ASAH1: variants seen among roughly 807,000 people sequenced by gnomAD.
ASAH1 encodes the protein acid ceramidase.
ASAH1 carries 70 observed loss-of-function variants against 59.5 expected under a neutral mutation model. The ratio of observed to expected loss-of-function variants is 1.18; its 90% CI spans 0.97 to 1.43. The LOEUF is 1.43. ASAH1 is among the 40% of genes most tolerant of loss of function. ASAH1 has a pLI of 0.00. For synonymous variants in ASAH1, 213 were observed against 166.5 expected, an observed-to-expected ratio of 1.28 and a Z score of -2.15; for missense variants, 660 against 482.5, an observed-to-expected ratio of 1.37 and a Z score of -3.45.
Position 18,059,460 on chromosome 8 carries a change from C to A in ASAH1, c.922G>T (p.Asp308Tyr), listed in dbSNP as rs758747892. Reference protein sequence around the residue: ...RKESLDVYELDAKQGRWYVVQ... With the variant: ...RKESLDVYELYAKQGRWYVVQ... ...ACATACCATCTACCCTGCTTAGCATCGAGTCTAGATACAAAAGGAGAGATT... is the reference window on the plus strand; with the variant it reads ...ACATACCATCTACCCTGCTTAGCATAGAGTCTAGATACAAAAGGAGAGATT... The change falls in exon 12 of 14, where the codon GAT (aspartate) becomes TAT (tyrosine). Residue 308 changes from aspartate to tyrosine, a missense_variant. Transcript: ENST00000637790. 6.2e-7 allele frequency: 1 copy of A among 1,614,140 alleles called. No individual in the cohort carries two copies. Among genetic ancestry groups the A allele is most frequent in the Admixed American group, 1.7e-5 (1 of 60,018 alleles).
intron 4 of ASAH1, among the ~76,000 whole-genome samples, chr8:18,069,260 TG>T (rs1800059810): frequency 6.6e-6 from 1 of 151,930 alleles, no homozygotes. Flanking sequence ...GGTGTTTCAT[TG>T]GTTCTGCGTC....
Position 18,061,722 on chromosome 8 carries a change from G to C in ASAH1, c.667C>G (p.Leu223Val), listed in dbSNP as rs371332103. Residue 223 changes from leucine (L) to valine (V), a missense_variant, in exon 9 of 14, where the codon CTG becomes GTG. Coordinates refer to ENST00000637790, the MANE Select transcript of ASAH1 (RefSeq NM_177924.5). ...GFKPGLFSLT[L>V]NERFSINGGY... ...CCATTTATACTGAAACGTTCATTCA[G>C]TGTAAGACTGAACAGTCCCTGAGAA... is the stretch of plus-strand genomic sequence containing the variant. The C allele has an allele frequency of 7.0e-6, 11 of 1,579,834 alleles. No individual in the cohort carries two copies. Among genetic ancestry groups the C allele is most frequent in the Non-Finnish European group, 8.6e-6 (10 of 1,161,030 alleles).
intron 2 of ASAH1, among the ~76,000 whole-genome samples, chr8:18,072,644 T>C (rs1361324585): frequency 6.6e-6 from 1 of 152,220 alleles, no homozygotes; most frequent in Admixed American, 6.5e-5. Context: ...ACTTATATTC[T>C]AGAAAAAAAC....
intron 1 of ASAH1, among the ~76,000 whole-genome samples, chr8:18,083,584 G>C (rs1800753360): frequency 6.6e-6 from 1 of 152,240 alleles, no homozygotes; most frequent in Non-Finnish European, 1.5e-5. Context: ...TTCTTCGGGA[G>C]AAAGCACCTG....
rs537148714 is a variant in ASAH1 at position 18,056,406 on chromosome 8, A to G, written c.*1128T>C. ...ATAATAACCCCCCTCCTCCAAACCA[A>G]CACAGATGTACACACCCAATCAGCG... On this transcript the variant is annotated 3_prime_UTR_variant, in exon 14 of 14. Transcript: ENST00000637790. 4 of 152,184 alleles carry G rather than the reference A, an allele frequency of 2.6e-5. No homozygotes were observed. The highest frequency in any genetic ancestry group is 9.6e-5 in the African/African-American group (4 of 41,504). 9.4% of individuals were successfully genotyped at this position (152,184 alleles called of 1,614,324 possible).
chr8:18,064,313 A>C, intron 6 of ASAH1, 144 bp downstream of exon 6: 1 of 712,848 alleles, frequency 1.4e-6, no homozygotes, highest in South Asian at 1.7e-5. Flanking sequence ...ACAATCACAA[A>C]ATTTTACCAA....
At chr8:18,062,805 G>A (rs1799760515) in intron 7 of ASAH1, 1 of 370,504 alleles carries the variant, frequency 2.7e-6, no homozygotes, top group African/African-American at 2.1e-5. Flanking sequence ...GTGTGACTTG[G>A]GACTTACTTA....
At chr8:18,059,248 T>G in intron 12 of ASAH1, 93 bp downstream of exon 12, 1 of 1,589,284 alleles carries the variant, frequency 6.3e-7, no homozygotes, top group Non-Finnish European at 8.6e-7. Context: ...AATAGGACGT[T>G]TATAAATTAC....
At chr8:18,064,024 C>T (rs6421407) in intron 6 of ASAH1, 10 of 247,578 alleles carry the variant, frequency 4.0e-5, no homozygotes, top group South Asian at 7.7e-5. Context: ...AGGAAAAATA[C>T]GGGAAAGTGA....
Position 18,061,695 on chromosome 8 carries a change from C to T in ASAH1, c.694G>A (p.Gly232Ser). The change falls in exon 9 of 14, where the codon GGT (glycine) becomes AGT (serine). Residue 232 changes from glycine (G) to serine (S), a missense_variant. Coordinates refer to ENST00000637790, the MANE Select transcript of ASAH1 (RefSeq NM_177924.5). The stretch of plus-strand genomic sequence containing the variant: ...AGAATGCTCTACTTACCCAGATAAC[C>T]ACCATTTATACTGAAACGTTCATTC... The part of the protein sequence containing the change: ...TLNERFSING[G>S]YLGILEWILG... 1 of 1,586,414 alleles carries T rather than the reference C, an allele frequency of 6.3e-7. No homozygotes were observed. The highest frequency in any genetic ancestry group is 8.6e-7 in the Non-Finnish European group (1 of 1,164,390).
rs370526232 is a variant in ASAH1 at position 18,064,480 on chromosome 8, G to C, written c.434C>G (p.Ser145Ter). The C allele has an allele frequency of 1.3e-5, 20 of 1,579,204 alleles. No homozygotes were observed. Among genetic ancestry groups the C allele is most frequent in the Non-Finnish European group, 1.7e-5 (19 of 1,150,264 alleles). The change falls in exon 6 of 14, where the codon TCA (serine) becomes TGA (stop). Residue 145 changes from serine (S) to a stop codon, truncating the protein, a stop_gained. Coordinates refer to ENST00000637790, the MANE Select transcript of ASAH1 (RefSeq NM_177924.5). LOFTEE classifies it high-confidence loss of function. The part of the protein sequence containing the change: ...IFYELFTICT[S>*]IVAEDKKGHL... ...ACCTTTTTTGTCTTCTGCTACTATT[G>C]AAGTACAAATGGTAAATAATTCATA...
At position 18,057,001 on chromosome 8, in the gene ASAH1, C is replaced by G. The variant is rs996631642; in HGVS notation, c.*533G>C. On this transcript the variant is annotated 3_prime_UTR_variant, in exon 14 of 14. Transcript: ENST00000637790. Reference sequence around the variant, plus strand: ...ACAGGTGAATGTCTGTCTCATCCCTCTAATCATATGTAATAAAATTATATC... The same window carrying G: ...ACAGGTGAATGTCTGTCTCATCCCTGTAATCATATGTAATAAAATTATATC... 1 of 159,600 alleles carries G rather than the reference C, an allele frequency of 6.3e-6. No homozygotes were observed. Among genetic ancestry groups the G allele is most frequent in the African/African-American group, 2.4e-5 (1 of 41,508 alleles). The allele number at this position is 159,600 out of a possible 1,614,324, so 9.9% of individuals were successfully genotyped here.
At chr8:18,076,674 C>T (rs564754254) in intron 1 of ASAH1, 3 of 152,208 alleles carry the variant, frequency 2.0e-5, no homozygotes, top group African/African-American at 7.2e-5. Context: ...GTAGCTTGAG[C>T]TCAGAAAACT....
At chr8:18,062,725 T>C in intron 7 of ASAH1, 2 of 429,172 alleles carry the variant, frequency 4.7e-6, no homozygotes, top group Non-Finnish European at 8.6e-6. Flanking sequence ...ACACATAAAA[T>C]AGAAGAGCAT....
At position 18,059,652 on chromosome 8, in the gene ASAH1, G is replaced by C. The variant is rs755283315; in HGVS notation, c.837C>G (p.Ala279=). 3.1e-6 allele frequency: 5 copies of C among 1,614,034 alleles called. No individual in the cohort carries two copies. The East Asian group carries it at 8.9e-5, about 29-fold the overall frequency. ...LLTKTKILAP[A]YFILGGNQSG... is the part of the protein sequence containing the mutation. ...ACTGGTTGCCTCCCAGGATAAAGTAGGCTGGGGCCAATATCTTGGTCTTGG... is the reference window on the plus strand; with the variant it reads ...ACTGGTTGCCTCCCAGGATAAAGTACGCTGGGGCCAATATCTTGGTCTTGG... The change falls in exon 11 of 14, where the codon GCC becomes GCG. Residue 279 remains alanine (A), a synonymous_variant. Coordinates refer to ENST00000637790, the MANE Select transcript of ASAH1 (RefSeq NM_177924.5).
intron 12 of ASAH1, chr8:18,059,126 G>T: frequency 1.4e-6 from 1 of 739,674 alleles, no homozygotes; most frequent in Non-Finnish European, 2.2e-6. Flanking sequence ...TTCAACTTCA[G>T]AGTGGTATCC....
chr8:18,084,335 C>A, upstream of ASAH1: 2 of 1,418,162 alleles, frequency 1.4e-6, no homozygotes, highest in Non-Finnish European at 1.8e-6. Flanking sequence ...GTGATCCATC[C>A]CCCTCCCCCA....
Position 18,057,608 on chromosome 8 carries a change from T to C in ASAH1, c.1114A>G (p.Thr372Ala), listed in dbSNP as rs201151177. The change falls in exon 14 of 14, where the codon ACC becomes GCC. Residue 372 changes from threonine (T) to alanine (A), a missense_variant. Physicochemically the swap from Thr to Ala is moderately conservative, Grantham distance 58. Coordinates refer to ENST00000637790, the MANE Select transcript of ASAH1 (RefSeq NM_177924.5). ...TGACCTTTGGTAACATCTATCAAGG[T>C]TGTGTATACGGTCAGCTGAAAGAAA... ...PVLNKLTVYT[T>A]LIDVTKGQFE... The C allele has an allele frequency of 4.1e-5, 66 of 1,602,834 alleles. No homozygotes were observed. Among genetic ancestry groups the C allele is most frequent in the Admixed American group, 1.3e-4 (8 of 59,688 alleles).
At chr8:18,073,533 G>C (rs1272994886) in intron 2 of ASAH1, among the ~76,000 whole-genome samples, 1 of 152,196 alleles carries the variant, frequency 6.6e-6, no homozygotes, top group African/African-American at 2.4e-5. Context: ...GCAAGTGCTA[G>C]GCATCCCGTG....
Sources: gnomAD v4.1 joint callset for allele counts (sites outside exome capture counted in the v4.1 genomes callset) on GRCh38, gnomAD v4.1.1 for gene constraint, MANE v1.5 for transcripts, NCBI Gene and HGNC (gene_info 2026-07-23, HGNC 2026-07-21) for gene names.